Variants in PITPNC1 observed in about 807,000 individuals in gnomAD.
PITPNC1 encodes the protein phosphatidylinositol transfer protein cytoplasmic 1.
A neutral mutation model predicts 44.7 loss-of-function variants in PITPNC1; 18 were observed. The observed-to-expected ratio is 0.40, with a 90% CI of 0.28 to 0.60. The LOEUF is 0.60. PITPNC1 is among the 20% of genes least tolerant of loss of function. PITPNC1 has a pLI of 0.39. For missense variants in PITPNC1, 290 were observed against 418.4 expected, an observed-to-expected ratio of 0.69 and a Z score of 2.68; for synonymous variants, 141 against 149.6, an observed-to-expected ratio of 0.94 and a Z score of 0.42.
At chr17:67,673,598 A>G (rs916318489) in intron 7 of PITPNC1, among the ~76,000 whole-genome samples, 1 of 152,120 alleles carries the variant, frequency 6.6e-6, no homozygotes, top group Non-Finnish European at 1.5e-5. Context: ...CTATTACATG[A>G]AAGTCAAACC....
At chr17:67,391,158 AT>A in intron 1 of PITPNC1, among the ~76,000 whole-genome samples, 1 of 151,628 alleles carries the variant, frequency 6.6e-6, no homozygotes, top group East Asian at 1.9e-4. Flanking sequence ...AGAAAAAAAA[AT>A]CAACCCTTTT....
intron 5 of PITPNC1, among the ~76,000 whole-genome samples, chr17:67,590,417 C>T (rs557262319): frequency 1.3e-4 from 20 of 152,158 alleles, no homozygotes; most frequent in Non-Finnish European, 2.4e-4. Context: ...TTGTTTCTTA[C>T]TGTAGTATGG....
chr17:67,552,651 C>G (rs1207505573), intron 3 of PITPNC1, among the ~76,000 whole-genome samples: 1 of 151,922 alleles, frequency 6.6e-6, no homozygotes, highest in Non-Finnish European at 1.5e-5. Context: ...GAGGCCGAGG[C>G]AGGTGGATTA....
chr17:67,650,418 T>C (rs2042196654), intron 6 of PITPNC1, among the ~76,000 whole-genome samples: 1 of 148,802 alleles, frequency 6.7e-6, no homozygotes, highest in African/African-American at 2.5e-5. Flanking sequence ...CTAAAAGGCA[T>C]CCTGGGGGCT....
chr17:67,682,497 T>C (rs2042729443), intron 8 of PITPNC1, among the ~76,000 whole-genome samples: 1 of 151,994 alleles, frequency 6.6e-6, no homozygotes, highest in African/African-American at 2.4e-5. Context: ...ATCTGATCTC[T>C]CCTCACCTGA....
At chr17:67,425,193 G>GCGCGCGCGCGCGCACA (rs1160522771) in intron 1 of PITPNC1, among the ~76,000 whole-genome samples, 10 of 52,116 alleles carry the variant, frequency 1.9e-4, no homozygotes, top group East Asian at 5.5e-4. Flanking sequence ...TTGTGCGCGC[G>GCGCGCGCGCGCGCACA]CACGCACACG....
At chr17:67,665,028 CTT>C (rs1364137612) in intron 6 of PITPNC1, among the ~76,000 whole-genome samples, 10 of 151,978 alleles carry the variant, frequency 6.6e-5, no homozygotes, top group Middle Eastern at 3.4e-3. Flanking sequence ...TATTGTTTCC[CTT>C]TTTTGTGGCT....
At chr17:67,526,988 T>C (rs902999966) in intron 1 of PITPNC1, among the ~76,000 whole-genome samples, 2 of 151,450 alleles carry the variant, frequency 1.3e-5, no homozygotes, top group African/African-American at 4.8e-5. Flanking sequence ...AGCATGGAAC[T>C]GTCTCTAGTC....
At chr17:67,473,054 T>A (rs2039568218) in intron 1 of PITPNC1, among the ~76,000 whole-genome samples, 1 of 151,654 alleles carries the variant, frequency 6.6e-6, no homozygotes, top group African/African-American at 2.4e-5. Flanking sequence ...TTTTTTGTAT[T>A]TTTAGTAGAG....
intron 5 of PITPNC1, among the ~76,000 whole-genome samples, chr17:67,626,035 G>A (rs1364263809): frequency 6.6e-6 from 1 of 150,782 alleles, no homozygotes; most frequent in African/African-American, 2.4e-5. Flanking sequence ...TGCCCAGGAT[G>A]AAGTGTAGTG....
intron 1 of PITPNC1, among the ~76,000 whole-genome samples, chr17:67,479,926 G>A (rs1300331622): frequency 4.6e-5 from 7 of 152,178 alleles, no homozygotes; most frequent in Non-Finnish European, 1.0e-4. Flanking sequence ...ATTCAGAGTT[G>A]TACAAGCAAC....
In PITPNC1 at chr17:67,495,040, G is replaced by GTTTTTTTTTTTTTTTTTTTT. The variant is rs879366971; in HGVS notation, c.49-37751_49-37750insTTTTTTTTTTTTTTTTTTTT. 8.8e-4 allele frequency among the ~76,000 whole-genome samples: 57 copies of GTTTTTTTTTTTTTTTTTTTT among 64,720 alleles called. 15 individuals carry two copies. The highest frequency in any genetic ancestry group is 1.9e-3 in the South Asian group (3 of 1,576). The allele number at this position is 64,720 out of a possible 152,430, so 42.5% of individuals were successfully genotyped here. On this transcript the variant is annotated intron_variant, in intron 1 of 8. Coordinates refer to ENST00000581322, the MANE Select transcript of PITPNC1 (RefSeq NM_012417.4). ...TTTGGCAATATTGAGCCATGGAGTT[G>GTTTTTTTTTTTTTTTTTTTT]TTTTTTTTTTTGTTTTTTTTTTTTT...
intron 1 of PITPNC1, among the ~76,000 whole-genome samples, chr17:67,386,778 A>C (rs141991593): frequency 3.2e-4 from 48 of 152,264 alleles, no homozygotes; most frequent in African/African-American, 1.1e-3. Flanking sequence ...AGTGTTAGGC[A>C]AGTCTGAAAA....
At chr17:67,534,019 C>T (rs946922340) in intron 2 of PITPNC1, among the ~76,000 whole-genome samples, 7 of 152,028 alleles carry the variant, frequency 4.6e-5, no homozygotes, top group African/African-American at 9.6e-5. Flanking sequence ...TTCAGCCTCC[C>T]GAGTAGCTGG....
chr17:67,631,509 A>G (rs1362259535), intron 5 of PITPNC1, among the ~76,000 whole-genome samples: 1 of 136,286 alleles, frequency 7.3e-6, no homozygotes, highest in Non-Finnish European at 1.6e-5. Flanking sequence ...GGCGCCTGTA[A>G]TCCCAGCTAC....
intron 1 of PITPNC1, among the ~76,000 whole-genome samples, chr17:67,393,748 A>G (rs1330004598): frequency 1.3e-5 from 2 of 152,226 alleles, no homozygotes; most frequent in African/African-American, 4.8e-5. Flanking sequence ...AAGGTAGAAG[A>G]CAGAATATTT....
At chr17:67,661,100 G>A (rs935227418) in intron 6 of PITPNC1, among the ~76,000 whole-genome samples, 23 of 147,396 alleles carry the variant, frequency 1.6e-4, no homozygotes, top group African/African-American at 5.8e-4. Flanking sequence ...TCAAACTCCT[G>A]GCCTCCCAAA....
chr17:67,577,169 G>A (rs906707947), intron 4 of PITPNC1, among the ~76,000 whole-genome samples: 3 of 152,036 alleles, frequency 2.0e-5, no homozygotes, highest in African/African-American at 7.2e-5. Flanking sequence ...ACCTATAGCT[G>A]TAGTCCCAGC....
chr17:67,442,385 G>A (rs73996717), intron 1 of PITPNC1, among the ~76,000 whole-genome samples: 3,430 of 150,970 alleles, frequency 0.023, 138 homozygotes, highest in African/African-American at 0.077. Context: ...TCGTAAGCCC[G>A]CCCAGTGGAT....
Sources: gnomAD v4.1 joint callset for allele counts (sites outside exome capture counted in the v4.1 genomes callset) on GRCh38, gnomAD v4.1.1 for gene constraint, MANE v1.5 for transcripts, NCBI Gene and HGNC (gene_info 2026-07-23, HGNC 2026-07-21) for gene names.